The following ZNF407 variants were observed in gnomAD, a reference collection of about 807,000 sequenced individuals.
The protein encoded by ZNF407 is zinc finger protein 407.
A neutral mutation model predicts 131.2 loss-of-function variants in ZNF407; 17 were observed. The observed-to-expected ratio is 0.13, with a 90% CI of 0.09 to 0.19. ZNF407 has a LOEUF of 0.19. ZNF407 is among the 10% of genes least tolerant of loss of function. The pLI is 1.00. For missense variants in ZNF407, 2,681 were observed against 2,830.6 expected (o/e 0.95, Z 1.20); for synonymous variants, 1,156 against 1,062.0 (o/e 1.09, Z -1.72).
At chr18:75,045,178 C>T (rs1973420415) in intron 8 of ZNF407, among the ~76,000 whole-genome samples, 2 of 151,894 alleles carry the variant, frequency 1.3e-5, no homozygotes, top group Non-Finnish European at 2.9e-5. Context: ...TGTGTATGTG[C>T]ATGCACACGT....
chr18:74,770,208 T>C (rs1057088539), intron 3 of ZNF407, among the ~76,000 whole-genome samples: 39 of 152,084 alleles, frequency 2.6e-4, no homozygotes, highest in African/African-American at 8.4e-4. Flanking sequence ...TGAGACCAGC[T>C]TGGACAACAT....
chr18:74,944,851 G>A (rs1972137539), intron 8 of ZNF407, among the ~76,000 whole-genome samples: 1 of 152,218 alleles, frequency 6.6e-6, no homozygotes. Context: ...CACTATTCAA[G>A]TATCTGCAAA....
At chr18:75,016,912 A>G (rs980061003) in intron 8 of ZNF407, among the ~76,000 whole-genome samples, 5 of 152,178 alleles carry the variant, frequency 3.3e-5, no homozygotes, top group Admixed American at 1.3e-4. Flanking sequence ...CCTGAAGGCC[A>G]AGTTGCAGGA....
chr18:74,679,679 TCA>T (rs1296193142), intron 3 of ZNF407, among the ~76,000 whole-genome samples: 1 of 152,238 alleles, frequency 6.6e-6, no homozygotes, highest in African/African-American at 2.4e-5. Flanking sequence ...TAGTTTTTCC[TCA>T]CACACAGTTG....
chr18:74,737,562 C>T (rs1387539058), intron 3 of ZNF407, among the ~76,000 whole-genome samples: 1 of 152,160 alleles, frequency 6.6e-6, no homozygotes, highest in Admixed American at 6.5e-5. Context: ...AACTTGTGGT[C>T]TGTATTTTCA....
At position 74,662,665 on chromosome 18, in the gene ZNF407, G is replaced by T. The variant is rs146483799; in HGVS notation, c.4802+21543G>T. On this transcript the variant is annotated intron_variant, in intron 3 of 8. Transcript: ENST00000299687. ...CAAATAATAGTGTAAACCAAGCCAG[G>T]CATAGCAGCAGACAGAAAAATGCAT... is the stretch of plus-strand genomic sequence containing the variant. Among the ~76,000 whole-genome samples the T allele has an allele frequency of 2.0e-4, 30 of 152,288 alleles. No homozygotes were observed. The East Asian group carries it at 4.4e-3, about 23-fold the overall frequency.
intron 3 of ZNF407, among the ~76,000 whole-genome samples, chr18:74,690,052 T>TA (rs1451989084): frequency 2.6e-5 from 4 of 151,958 alleles, no homozygotes; most frequent in Non-Finnish European, 2.9e-5. Context: ...AGTTTACCTC[T>TA]AAAAAAAAGC....
chr18:74,754,908 A>C (rs1344032261), intron 3 of ZNF407, among the ~76,000 whole-genome samples: 1 of 152,092 alleles, frequency 6.6e-6, no homozygotes, highest in Non-Finnish European at 1.5e-5. Flanking sequence ...GTCCTTGTTA[A>C]CTTTCTGTCT....
chr18:74,795,859 G>A (rs1462098757), intron 4 of ZNF407, among the ~76,000 whole-genome samples: 1 of 152,212 alleles, frequency 6.6e-6, no homozygotes, highest in Non-Finnish European at 1.5e-5. Context: ...TGTAATAAAA[G>A]TCACATGCAA....
intron 3 of ZNF407, among the ~76,000 whole-genome samples, chr18:74,779,945 T>C (rs989614795): frequency 1.3e-5 from 2 of 152,120 alleles, no homozygotes; most frequent in African/African-American, 2.4e-5. Context: ...ATTCATTTAT[T>C]ATCACTGTGT....
chr18:74,755,895 T>TTC (rs1968948876), intron 3 of ZNF407, among the ~76,000 whole-genome samples: 2 of 71,820 alleles, frequency 2.8e-5, no homozygotes, highest in South Asian at 1.3e-3. Context: ...CTTTTTTTTT[T>TTC]TTTTTTTTTT....
intron 3 of ZNF407, among the ~76,000 whole-genome samples, chr18:74,658,382 G>GC (rs1455161663): frequency 1.3e-5 from 2 of 152,028 alleles, no homozygotes. Flanking sequence ...CTCCCAAAGT[G>GC]TGGGATTACA....
chr18:74,926,207 T>C (rs2145249338), intron 8 of ZNF407, among the ~76,000 whole-genome samples: 1 of 152,348 alleles, frequency 6.6e-6, no homozygotes, highest in East Asian at 1.9e-4. Context: ...ATTTGGTATT[T>C]TGATAGCTGA....
chr18:74,955,590 T>C (rs1972266445), intron 8 of ZNF407, among the ~76,000 whole-genome samples: 1 of 152,184 alleles, frequency 6.6e-6, no homozygotes. Flanking sequence ...AAGAGCTACA[T>C]TGTGATGTAC....
intron 4 of ZNF407, among the ~76,000 whole-genome samples, chr18:74,846,792 G>C (rs1401468336): frequency 6.6e-6 from 1 of 151,630 alleles, no homozygotes; most frequent in Non-Finnish European, 1.5e-5. Context: ...AGGAGTTCGA[G>C]ACCAGCCTGG....
At chr18:74,878,995 A>G (rs1489957590) in intron 5 of ZNF407, among the ~76,000 whole-genome samples, 2 of 152,128 alleles carry the variant, frequency 1.3e-5, no homozygotes, top group Non-Finnish European at 2.9e-5. Context: ...CATCCTAAAT[A>G]AAATCATACA....
At chr18:74,759,661 T>C (rs1205224530) in intron 3 of ZNF407, among the ~76,000 whole-genome samples, 1 of 152,094 alleles carries the variant, frequency 6.6e-6, no homozygotes, top group Non-Finnish European at 1.5e-5. Flanking sequence ...CTAGTGAATT[T>C]TTCGTTCAAT....
chr18:74,743,677 A>G (rs1968601665), intron 3 of ZNF407, among the ~76,000 whole-genome samples: 4 of 152,018 alleles, frequency 2.6e-5, no homozygotes, highest in Admixed American at 6.6e-5. Flanking sequence ...GCAATCTAAA[A>G]TGTTGTGAAA....
chr18:74,804,870 C>G (rs1344376792), intron 4 of ZNF407, among the ~76,000 whole-genome samples: 1 of 152,192 alleles, frequency 6.6e-6, no homozygotes, highest in African/African-American at 2.4e-5. Context: ...TTCCAACCAC[C>G]CTGCCGAGGA....
Sources: gnomAD v4.1 joint callset for allele counts (sites outside exome capture counted in the v4.1 genomes callset) on GRCh38, gnomAD v4.1.1 for gene constraint, MANE v1.5 for transcripts, NCBI Gene and HGNC (gene_info 2026-07-23, HGNC 2026-07-21) for gene names.